RASEF: variants seen among roughly 807,000 people sequenced by gnomAD.
RASEF encodes RAS and EF-hand domain containing, also known as ras and EF-hand domain-containing protein.
Under a neutral mutation model 90.1 loss-of-function variants are expected in RASEF, and 68 were observed. The observed-to-expected ratio is 0.75, with a 90% confidence interval of 0.62 to 0.92. RASEF has a LOEUF of 0.92. Among genes scored for constraint, RASEF ranks in the 40% least tolerant of loss-of-function variants. The pLI is 0.00. For synonymous variants in RASEF, 331 were observed against 345.2 expected, an observed-to-expected ratio of 0.96 and a Z score of 0.46; for missense variants, 949 against 937.2, an observed-to-expected ratio of 1.01 and a Z score of -0.16.
At position 83,009,461 on chromosome 9, in the gene RASEF, T is replaced by A. The variant is rs542957835; in HGVS notation, c.959+180A>T. ...ACAGACAATAATTATTCTATTTGCT[T>A]AAAAAATTAAAAACATAAAAAACAC... On this transcript the variant is annotated intron_variant, in intron 6 of 16. Coordinates refer to ENST00000376447, the MANE Select transcript of RASEF (RefSeq NM_152573.4). Among the ~76,000 whole-genome samples, 758 of 152,242 alleles carry A rather than the reference T, an allele frequency of 5.0e-3. 5 individuals carry two copies. The highest frequency in any genetic ancestry group is 0.018 in the African/African-American group (733 of 41,552).
the RASEF span, among the ~76,000 whole-genome samples, chr9:83,177,769 G>A: frequency 9.9e-5 from 15 of 151,932 alleles, 1 homozygote; most frequent in Admixed American, 9.2e-4. Context: ...GAGCTTCTTG[G>A]ATATGAGATG....
At chr9:83,196,220 G>T in the RASEF span, among the ~76,000 whole-genome samples, 2 of 152,116 alleles carry the variant, frequency 1.3e-5, no homozygotes, top group Non-Finnish European at 2.9e-5. Flanking sequence ...AACGGTTAAT[G>T]TCAGGGCTGC....
intron 3 of RASEF, among the ~76,000 whole-genome samples, chr9:83,020,536 G>A (rs1038080489): frequency 2.0e-5 from 3 of 152,176 alleles, no homozygotes; most frequent in Non-Finnish European, 2.9e-5. Flanking sequence ...TGGCAGTGAC[G>A]TCCTGGACTG....
chr9:83,165,056 G>A, the RASEF span, among the ~76,000 whole-genome samples: 2 of 152,008 alleles, frequency 1.3e-5, no homozygotes, highest in East Asian at 3.9e-4. Context: ...CATTATTATA[G>A]TTGGAGACTT....
the RASEF span, among the ~76,000 whole-genome samples, chr9:83,181,453 GT>G: frequency 6.6e-6 from 1 of 152,162 alleles, no homozygotes; most frequent in Non-Finnish European, 1.5e-5. Context: ...ATTTTGAAAG[GT>G]TTTGCTAAGA....
intron 1 of RASEF, among the ~76,000 whole-genome samples, chr9:83,059,417 A>C (rs1830166943): frequency 6.6e-6 from 1 of 152,032 alleles, no homozygotes; most frequent in Non-Finnish European, 1.5e-5. Context: ...AAATGCTCAC[A>C]GCATGAACTA....
chr9:83,063,363 G>A (rs1007948773), upstream of RASEF, among the ~76,000 whole-genome samples: 1 of 152,216 alleles, frequency 6.6e-6, no homozygotes, highest in Admixed American at 6.5e-5. Flanking sequence ...CCAGCGCTCC[G>A]CTTCTCCACA....
At chr9:83,082,760 A>G in the RASEF span, among the ~76,000 whole-genome samples, 5 of 152,190 alleles carry the variant, frequency 3.3e-5, no homozygotes, top group Non-Finnish European at 7.3e-5. Context: ...TTGTTTTGAC[A>G]GTTTTTCTCA....
the RASEF span, among the ~76,000 whole-genome samples, chr9:83,168,310 C>G: frequency 6.6e-6 from 1 of 152,060 alleles, no homozygotes; most frequent in African/African-American, 2.4e-5. Flanking sequence ...TTCTGTGGAG[C>G]AATGTCTATC....
At chr9:83,024,101 A>G (rs1829493897) in intron 2 of RASEF, among the ~76,000 whole-genome samples, 1 of 152,210 alleles carries the variant, frequency 6.6e-6, no homozygotes, top group South Asian at 2.1e-4. Context: ...ATGGCTAAGC[A>G]TGCAAGGAAT....
At chr9:83,081,946 T>A in the RASEF span, among the ~76,000 whole-genome samples, 1 of 152,230 alleles carries the variant, frequency 6.6e-6, no homozygotes, top group Non-Finnish European at 1.5e-5. Flanking sequence ...TGGAAAATAC[T>A]GAGCAGGCAT....
chr9:83,066,171 A>G (rs1221337108), upstream of RASEF, among the ~76,000 whole-genome samples: 1 of 152,248 alleles, frequency 6.6e-6, no homozygotes, highest in Non-Finnish European at 1.5e-5. Context: ...AATAAGCCAC[A>G]CTTCATCACA....
At chr9:83,066,787 T>C (rs181481691), upstream of RASEF, among the ~76,000 whole-genome samples, 46 of 152,362 alleles carry the variant, frequency 3.0e-4, no homozygotes, top group East Asian at 8.9e-3. Context: ...GAAAGAATCC[T>C]ATTATATTCC....
At chr9:83,094,595 T>C in the RASEF span, among the ~76,000 whole-genome samples, 1 of 152,216 alleles carries the variant, frequency 6.6e-6, no homozygotes, top group Non-Finnish European at 1.5e-5. Context: ...TTTGTTTCTA[T>C]GTCTTTTAAA....
the RASEF span, among the ~76,000 whole-genome samples, chr9:83,204,896 C>T: frequency 2.0e-5 from 3 of 152,214 alleles, no homozygotes; most frequent in East Asian, 3.8e-4. Context: ...ATTCTCAAAG[C>T]TCTTCCATAC....
At chr9:83,181,144 A>G in the RASEF span, among the ~76,000 whole-genome samples, 1 of 149,650 alleles carries the variant, frequency 6.7e-6, no homozygotes, top group African/African-American at 2.5e-5. Context: ...AAACAAGAGA[A>G]CATCAGGAGG....
chr9:83,107,613 T>C, the RASEF span, among the ~76,000 whole-genome samples: 3 of 152,228 alleles, frequency 2.0e-5, no homozygotes, highest in Non-Finnish European at 4.4e-5. Context: ...TGATAGAAGC[T>C]AAATCAACAG....
the RASEF span, among the ~76,000 whole-genome samples, chr9:83,149,392 A>G: frequency 6.6e-6 from 1 of 152,214 alleles, no homozygotes; most frequent in South Asian, 2.1e-4. Context: ...GAGCTGGAGA[A>G]GGCTTTCCCC....
chr9:83,132,522 G>A, the RASEF span, among the ~76,000 whole-genome samples: 2 of 152,144 alleles, frequency 1.3e-5, no homozygotes, highest in Non-Finnish European at 2.9e-5. Flanking sequence ...ATTGTCTTAT[G>A]CCTCTAAGTT....
Sources: gnomAD v4.1 joint callset for allele counts (sites outside exome capture counted in the v4.1 genomes callset) on GRCh38, gnomAD v4.1.1 for gene constraint, MANE v1.5 for transcripts, NCBI Gene and HGNC (gene_info 2026-07-23, HGNC 2026-07-21) for gene names.